The following GPC4 variants were observed in gnomAD, a reference collection of about 807,000 sequenced individuals.
GPC4 encodes the protein glypican-4.
In GPC4, 10 loss-of-function variants were observed where a neutral mutation model predicts 35.0. The ratio of observed to expected loss-of-function variants is 0.29; its 90% CI spans 0.18 to 0.48. The LOEUF is 0.48. Ranked by LOEUF, GPC4 falls within the 20% of genes least tolerant of loss-of-function variation. GPC4 has a pLI of 0.99. For missense variants in GPC4, 322 were observed against 451.3 expected (o/e 0.71, Z 2.60); for synonymous variants, 167 against 170.2 (o/e 0.98, Z 0.15).
At chrX:133,392,050 T>C (rs190664602) in intron 1 of GPC4, among the ~76,000 whole-genome samples, 10 of 109,245 alleles carry the variant, frequency 9.2e-5, no homozygotes, top group Middle Eastern at 4.7e-3. Context: ...CTGGGCAACA[T>C]GGTGAAACCC....
intron 2 of GPC4, among the ~76,000 whole-genome samples, chrX:133,328,024 C>A (rs971546557): frequency 8.1e-5 from 9 of 110,706 alleles, no homozygotes; most frequent in African/African-American, 3.3e-5. Context: ...CACAATCAGA[C>A]CATAATGAAA....
In GPC4 at chrX:133,352,609, T is replaced by C. The variant is rs1162626190; in HGVS notation, c.161-13268A>G. On this transcript the variant is annotated intron_variant, in intron 1 of 8. Coordinates refer to ENST00000370828, the MANE Select transcript of GPC4 (RefSeq NM_001448.3). Reference sequence around the variant, plus strand: ...TTGATAACAAGCTTCCCTAAACTTATATTTGGATAGTCAATAAATTATTGG... The same window carrying C: ...TTGATAACAAGCTTCCCTAAACTTACATTTGGATAGTCAATAAATTATTGG... 8.1e-5 allele frequency among the ~76,000 whole-genome samples: 9 copies of C among 111,596 alleles called. No individual in the cohort carries two copies. In the South Asian group the frequency reaches 2.3e-3, roughly 28 times the overall value.
chrX:133,370,190 A>G (rs2068606216), intron 1 of GPC4, among the ~76,000 whole-genome samples: 2 of 112,029 alleles, frequency 1.8e-5, no homozygotes, highest in African/African-American at 3.2e-5. Flanking sequence ...AAGATATGCA[A>G]TCTGAGGTTT....
chrX:133,398,284 G>T (rs766695918), intron 1 of GPC4, among the ~76,000 whole-genome samples: 3 of 110,614 alleles, frequency 2.7e-5, no homozygotes, highest in Non-Finnish European at 5.7e-5. Flanking sequence ...TATGTAGTAT[G>T]CCCTTCAGAA....
intron 1 of GPC4, among the ~76,000 whole-genome samples, chrX:133,348,646 T>G (rs941072269): frequency 8.9e-6 from 1 of 112,409 alleles, no homozygotes; most frequent in African/African-American, 3.2e-5. Flanking sequence ...ATTATGATTT[T>G]CACTAGGCTC....
At chrX:133,338,168 G>A (rs1210278693) in intron 2 of GPC4, among the ~76,000 whole-genome samples, 3 of 111,489 alleles carry the variant, frequency 2.7e-5, no homozygotes, top group African/African-American at 9.8e-5. Flanking sequence ...TGCCTTATCA[G>A]CTATATCAAA....
At chrX:133,348,248 T>A (rs1486440691) in intron 1 of GPC4, among the ~76,000 whole-genome samples, 1 of 112,269 alleles carries the variant, frequency 8.9e-6, no homozygotes, top group Non-Finnish European at 1.9e-5. Flanking sequence ...TACCAAAGGT[T>A]TATTAAGGCA....
chrX:133,336,492 G>A (rs1176476593), intron 2 of GPC4, among the ~76,000 whole-genome samples: 2 of 110,960 alleles, frequency 1.8e-5, no homozygotes, highest in African/African-American at 3.3e-5. Flanking sequence ...CCGAGATTGC[G>A]CCACTGCACT....
intron 1 of GPC4, among the ~76,000 whole-genome samples, chrX:133,387,018 A>T (rs776529688): frequency 1.2e-4 from 13 of 111,624 alleles, no homozygotes; most frequent in African/African-American, 4.2e-4. Context: ...AAGAAGTTGG[A>T]ATCTTCACTA....
At chrX:133,329,003 A>C (rs2068406501) in intron 2 of GPC4, among the ~76,000 whole-genome samples, 1 of 111,858 alleles carries the variant, frequency 8.9e-6, no homozygotes, top group African/African-American at 3.2e-5. Context: ...TGAAGGCTTA[A>C]GTATATACAT....
intron 1 of GPC4, among the ~76,000 whole-genome samples, chrX:133,407,021 A>G (rs750190456): frequency 3.7e-5 from 4 of 108,436 alleles, no homozygotes; most frequent in Non-Finnish European, 7.6e-5. Context: ...GGCTGTAGTA[A>G]GTTGAGATCA....
chrX:133,389,156 A>G (rs2068707750), intron 1 of GPC4, among the ~76,000 whole-genome samples: 1 of 108,975 alleles, frequency 9.2e-6, no homozygotes, highest in Non-Finnish European at 1.9e-5. Flanking sequence ...ACAGGGTTTC[A>G]TGATGTTGCC....
Position 133,313,453 on chromosome X carries a change from C to T in GPC4, c.712-2030G>A, listed in dbSNP as rs777450061. On this transcript the variant is annotated intron_variant, in intron 3 of 8. Transcript: ENST00000370828. ...GTATTAATGTACAGTAAAATTTTGG[C>T]TAACCAATATACCCTGGAGGAATGG... Among the ~76,000 whole-genome samples the T allele has an allele frequency of 8.9e-5, 10 of 112,838 alleles. No homozygotes were observed. The East Asian group carries it at 2.0e-3, about 22-fold the overall frequency.
At chrX:133,398,475 A>G (rs969276317) in intron 1 of GPC4, among the ~76,000 whole-genome samples, 2 of 111,875 alleles carry the variant, frequency 1.8e-5, no homozygotes, top group African/African-American at 6.5e-5. Flanking sequence ...ACTAAGAAAT[A>G]GGGATCTACT....
chrX:133,382,499 C>T (rs1211726650), intron 1 of GPC4, among the ~76,000 whole-genome samples: 6 of 104,660 alleles, frequency 5.7e-5, no homozygotes, highest in Admixed American at 1.1e-4. Context: ...GAGGCCAAGG[C>T]GGGTGGATCA....
chrX:133,390,423 G>C (rs2068714113), intron 1 of GPC4, among the ~76,000 whole-genome samples: 1 of 111,902 alleles, frequency 8.9e-6, no homozygotes, highest in Admixed American at 9.5e-5. Flanking sequence ...CACAGCCATA[G>C]GAGAAGCCCT....
intron 4 of GPC4, among the ~76,000 whole-genome samples, chrX:133,309,649 T>C (rs2068306048): frequency 1.8e-5 from 2 of 112,478 alleles, no homozygotes; most frequent in Non-Finnish European, 1.9e-5. Context: ...CAAATTCTAC[T>C]ACCTTGCCTG....
At chrX:133,366,018 T>C (rs2068588363) in intron 1 of GPC4, among the ~76,000 whole-genome samples, 1 of 111,926 alleles carries the variant, frequency 8.9e-6, no homozygotes, top group South Asian at 3.8e-4. Context: ...ACAGAAAGGA[T>C]ATAACACTAC....
intron 1 of GPC4, among the ~76,000 whole-genome samples, chrX:133,373,832 C>G (rs776864394): frequency 1.8e-5 from 2 of 111,592 alleles, no homozygotes; most frequent in South Asian, 7.7e-4. Context: ...AGGCCACTGT[C>G]AAGGTGAGCA....
Sources: allele counts gnomAD v4.1 joint callset (sites outside exome capture counted in the v4.1 genomes callset), GRCh38; gene constraint gnomAD v4.1.1; transcripts MANE v1.5; gene names NCBI Gene and HGNC (gene_info 2026-07-23, HGNC 2026-07-21).